The following DISP3 variants were observed in gnomAD, a reference collection of about 807,000 sequenced individuals.
DISP3 encodes dispatched RND transporter family member 3.
A neutral mutation model predicts 135.3 loss-of-function variants in DISP3; 101 were observed. The observed-to-expected ratio is 0.75, with a 90% CI of 0.64 to 0.88. The LOEUF (loss-of-function observed/expected upper bound fraction) is 0.88. Ranked by LOEUF, DISP3 falls within the 40% of genes least tolerant of loss-of-function variation. The pLI is 0.00. For missense variants in DISP3, 1,713 were observed against 1,878.6 expected (o/e 0.91, Z 1.63); for synonymous variants, 856 against 817.0 (o/e 1.05, Z -0.81).
rs754537842 is a variant in DISP3 at position 11,501,767 on chromosome 1, T to C, written c.775T>C (p.Ser259Pro). The change falls in exon 2 of 21, where the codon TCG (serine) becomes CCG (proline). Residue 259 changes from serine (S) to proline (P), a missense_variant. Physicochemically the swap from Ser to Pro is moderately conservative, Grantham distance 74. This residue lies in a region of DISP3 where 571 missense variants were observed against 494.1 expected (regional missense o/e 1.16). Coordinates refer to ENST00000294484, the MANE Select transcript of DISP3 (RefSeq NM_020780.2). The surrounding 1 kb of genome is among the most constrained non-coding windows in gnomAD (Gnocchi z 4.9). ...ARRGASRWDY[S>P]RAYVSANTQT... The stretch of plus-strand genomic sequence containing the variant: ...CCGAGGCGCCTCGCGCTGGGACTAC[T>C]CGCGCGCCTATGTGAGTGCCAACAC... 2 of 1,594,178 alleles carry C rather than the reference T, an allele frequency of 1.3e-6. No individual in the cohort carries two copies. Among genetic ancestry groups the C allele is most frequent in the Admixed American group, 3.4e-5 (2 of 58,484 alleles).
rs1053565581 is a variant in DISP3 at position 11,491,069 on chromosome 1, C to T, written c.-3-9921C>T. ...CCAAATGCCATCATTTCTTCCCTCC[C>T]CATGGATGGAGGAAAAGACACCCTG... On this transcript the variant is annotated intron_variant, in intron 1 of 20. Transcript: ENST00000294484. This position sits in a 1 kb window ranked among gnomAD's most constrained non-coding sequence, Gnocchi z 4.3. Among the ~76,000 whole-genome samples the T allele has an allele frequency of 6.6e-6, 1 of 152,174 alleles. No individual in the cohort carries two copies. The highest frequency in any genetic ancestry group is 2.4e-5 in the African/African-American group (1 of 41,422).
Position 11,519,560 on chromosome 1 carries a change from G to C in DISP3, c.2038+57G>C. 1 of 1,596,060 alleles carries C rather than the reference G, an allele frequency of 6.3e-7. No individual in the cohort carries two copies. The highest frequency in any genetic ancestry group is 1.1e-5 in the South Asian group (1 of 89,716). On this transcript the variant is annotated intron_variant, in intron 8 of 20. Coordinates refer to ENST00000294484, the MANE Select transcript of DISP3 (RefSeq NM_020780.2). This position sits in a 1 kb window ranked among gnomAD's most constrained non-coding sequence, Gnocchi z 4.3. ...CCCAGTGAGACCCAGCGCTGCCTCT[G>C]CCAGGGGAGTAACACTTGACAAGTT...
Position 11,502,749 on chromosome 1 carries a change from C to A in DISP3, c.1168C>A (p.Leu390Met), listed in dbSNP as rs1469491892. 2 of 1,614,200 alleles carry A rather than the reference C, an allele frequency of 1.2e-6. No individual in the cohort carries two copies. The highest frequency in any genetic ancestry group is 1.1e-5 in the South Asian group (1 of 91,086). Reference protein sequence around the residue: ...YVDEGLSADNLKSSLLRSEIL... With the variant: ...YVDEGLSADNMKSSLLRSEIL... ...GGATGAGGGCCTCTCTGCAGACAAT[C>A]TGAAGAGCTCCCTCCTGCGCAGTGA... The change falls in exon 3 of 21, where the codon CTG becomes ATG. Residue 390 changes from leucine (L) to methionine (M), a missense_variant. This residue lies in a region of DISP3 where 1,142 missense variants were observed against 1,384.6 expected (regional missense o/e 0.82). Coordinates refer to ENST00000294484, the MANE Select transcript of DISP3 (RefSeq NM_020780.2).
Position 11,504,317 on chromosome 1 carries a change from T to C in DISP3, c.1316+1420T>C, listed in dbSNP as rs1309551363. On this transcript the variant is annotated intron_variant, in intron 3 of 20. Transcript: ENST00000294484. ...TGTCCACAATTTTAAAGCTCATCAGTGGTGGAATGAGATTCAAATCCAGAC... is the reference window on the plus strand; with the variant it reads ...TGTCCACAATTTTAAAGCTCATCAGCGGTGGAATGAGATTCAAATCCAGAC... 2.0e-5 allele frequency among the ~76,000 whole-genome samples: 3 copies of C among 152,220 alleles called. No homozygotes were observed. The East Asian group carries it at 5.8e-4, about 29-fold the overall frequency.
rs1331883468 is a variant in DISP3, at chr1:11,487,652, C to T, written c.-4+8280C>T. ...CTTCACCTCCTCCAGCTGCTTCCCC[C>T]GTCCTGGAGTAATGAGGGGCCCAGA... On this transcript the variant is annotated intron_variant, in intron 1 of 20. Coordinates refer to ENST00000294484, the MANE Select transcript of DISP3 (RefSeq NM_020780.2). 3.9e-5 allele frequency among the ~76,000 whole-genome samples: 6 copies of T among 152,220 alleles called. No homozygotes were observed. The East Asian group carries it at 9.6e-4, about 24-fold the overall frequency.
chr1:11,526,922 G>A (rs373596570), intron 13 of DISP3, 87 bp downstream of exon 13: 4 of 1,438,612 alleles, frequency 2.8e-6, no homozygotes, highest in Admixed American at 2.4e-5. Context: ...TTTCACATGA[G>A]GGATGCCAGC....
Position 11,489,562 on chromosome 1 carries a change from G to A in DISP3, c.-4+10190G>A, listed in dbSNP as rs1047443072. ...TCCAGTTATTCTGCAGAGAGGTGACGGGGAGCCTCTCCCAGCATCCAGCCC... is the reference window on the plus strand; with the variant it reads ...TCCAGTTATTCTGCAGAGAGGTGACAGGGAGCCTCTCCCAGCATCCAGCCC... On this transcript the variant is annotated intron_variant, in intron 1 of 20. Coordinates refer to ENST00000294484, the MANE Select transcript of DISP3 (RefSeq NM_020780.2). Among the ~76,000 whole-genome samples, 6 of 152,300 alleles carry A rather than the reference G, an allele frequency of 3.9e-5. No homozygotes were observed. The East Asian group carries it at 9.6e-4, about 24-fold the overall frequency.
intron 3 of DISP3, among the ~76,000 whole-genome samples, chr1:11,504,761 CCA>C (rs1176088830): frequency 6.6e-6 from 1 of 152,308 alleles, no homozygotes; most frequent in East Asian, 1.9e-4. Context: ...AAAGCCTTCA[CCA>C]GAAGCCAATG....
intron 20 of DISP3, 101 bp downstream of exon 20, chr1:11,535,745 C>G (rs2243838): frequency 1.4e-6 from 2 of 1,409,868 alleles, no homozygotes; most frequent in Admixed American, 4.0e-5. Flanking sequence ...ATCCCAGCAC[C>G]AGGACCCCCA....
Position 11,519,305 on chromosome 1 carries a change from T to C in DISP3, c.1890-50T>C, listed in dbSNP as rs1642101185. 1 of 1,556,106 alleles carries C rather than the reference T, an allele frequency of 6.4e-7. No homozygotes were observed. Among genetic ancestry groups the C allele is most frequent in the African/African-American group, 1.4e-5 (1 of 73,728 alleles). On this transcript the variant is annotated intron_variant, in intron 7 of 20. Transcript: ENST00000294484. The surrounding 1 kb of genome is among the most constrained non-coding windows in gnomAD (Gnocchi z 4.3). Reference sequence around the variant, plus strand: ...CCTCAGGGCCCTGCCCCACCCTCCCTGGGTACCCAGGACCCTCTGGTTCAC... The same window carrying C: ...CCTCAGGGCCCTGCCCCACCCTCCCCGGGTACCCAGGACCCTCTGGTTCAC...
chr1:11,490,457 C>T (rs1183818234), intron 1 of DISP3, among the ~76,000 whole-genome samples: 1 of 152,058 alleles, frequency 6.6e-6, no homozygotes, highest in East Asian at 1.9e-4. Flanking sequence ...TTAGTAGAAA[C>T]GGGGTTTCAT....
intron 1 of DISP3, among the ~76,000 whole-genome samples, chr1:11,482,706 T>G (rs1640934524): frequency 6.6e-6 from 1 of 152,120 alleles, no homozygotes; most frequent in African/African-American, 2.4e-5. Flanking sequence ...GAACCCCTCT[T>G]ATACTCCTCC....
chr1:11,534,246 A>G, intron 17 of DISP3, 135 bp from the exon 18 acceptor site: 1 of 1,081,610 alleles, frequency 9.2e-7, no homozygotes, highest in South Asian at 1.5e-5. Flanking sequence ...CTCATTTTGG[A>G]TTGAATCGTT....
intron 3 of DISP3, among the ~76,000 whole-genome samples, chr1:11,505,665 CACTTTTATTGCTTTTAAT>C (rs1478056999): frequency 6.6e-6 from 1 of 152,190 alleles, no homozygotes; most frequent in East Asian, 1.9e-4. Context: ...TATAAATGAT[CACTTTTATTGCTTTTAAT>C]ACTGGAATCT....
At chr1:11,500,227 A>G (rs1326100824) in intron 1 of DISP3, among the ~76,000 whole-genome samples, 1 of 152,222 alleles carries the variant, frequency 6.6e-6, no homozygotes, top group African/African-American at 2.4e-5. Context: ...AGGGGTGGGA[A>G]GCTACTGAGG....
At chr1:11,503,002 A>G (rs1641595794) in intron 3 of DISP3, 105 bp downstream of exon 3, 3 of 1,077,368 alleles carry the variant, frequency 2.8e-6, no homozygotes, top group East Asian at 5.2e-5. Context: ...TTTCCTTTGG[A>G]AGTCTTTCTT....
chr1:11,486,441 T>G (rs1239299342), intron 1 of DISP3, among the ~76,000 whole-genome samples: 1 of 152,156 alleles, frequency 6.6e-6, no homozygotes, highest in Non-Finnish European at 1.5e-5. Flanking sequence ...GCTGAGAGTG[T>G]GCATTACAAG....
Position 11,485,467 on chromosome 1 carries a change from C to T in DISP3, c.-4+6095C>T, listed in dbSNP as rs535766202. 5.7e-4 allele frequency among the ~76,000 whole-genome samples: 87 copies of T among 152,220 alleles called. 1 individual carries two copies. The highest frequency in any genetic ancestry group is 6.8e-3 in the Middle Eastern group (2 of 294). Reference sequence around the variant, plus strand: ...ACTGCCAGCTGGAAGCCACTCCTGTCGTGAAGGAGGATGTGGTGATCTTGT... The same window carrying T: ...ACTGCCAGCTGGAAGCCACTCCTGTTGTGAAGGAGGATGTGGTGATCTTGT... On this transcript the variant is annotated intron_variant, in intron 1 of 20. Transcript: ENST00000294484.
chr1:11,510,953 A>G (rs570222835), intron 3 of DISP3, among the ~76,000 whole-genome samples: 1 of 152,380 alleles, frequency 6.6e-6, no homozygotes, highest in African/African-American at 2.4e-5. Context: ...GGCGACAGCA[A>G]GAGAAAATGA....
Sources: gnomAD v4.1 joint callset for allele counts (sites outside exome capture counted in the v4.1 genomes callset) on GRCh38, gnomAD v4.1.1 for gene constraint, gnomAD v4.1.1 regional missense constraint, Gnocchi (gnomAD v3.1) non-coding constraint, MANE v1.5 for transcripts, NCBI Gene and HGNC (gene_info 2026-07-23, HGNC 2026-07-21) for gene names.